NETO1: variants seen among roughly 807,000 people sequenced by gnomAD.
NETO1 encodes neuropilin and tolloid-like protein 1.
A neutral mutation model predicts 61.3 loss-of-function variants in NETO1; 26 were observed. That is an observed-to-expected ratio of 0.42 (90% confidence interval 0.31 to 0.59). The LOEUF (loss-of-function observed/expected upper bound fraction) is 0.59. NETO1 is among the 20% of genes least tolerant of loss of function. NETO1 has a pLI of 0.12. For missense variants in NETO1, 531 were observed against 662.8 expected (o/e 0.80, Z 2.18); for synonymous variants, 225 against 225.8 (o/e 1.00, Z 0.03).
chr18:72,775,631 TATGAGA>T (rs2071521306), intron 7 of NETO1, among the ~76,000 whole-genome samples: 1 of 152,186 alleles, frequency 6.6e-6, no homozygotes, highest in African/African-American at 2.4e-5. Flanking sequence ...AATGCTGACA[TATGAGA>T]ATAACTGTTA....
At chr18:72,840,903 CTGT>C (rs974612820) in intron 4 of NETO1, among the ~76,000 whole-genome samples, 3 of 152,134 alleles carry the variant, frequency 2.0e-5, no homozygotes, top group African/African-American at 7.2e-5. Flanking sequence ...AAATGTAAGG[CTGT>C]TAACTACCAT....
chr18:72,865,284 G>T, intron 1 of NETO1, 43 bp from the exon 2 acceptor site: 1 of 1,419,666 alleles, frequency 7.0e-7, no homozygotes, highest in South Asian at 1.2e-5. Context: ...ACACTGAAAT[G>T]ATCAAATCCC....
At chr18:72,818,483 A>G (rs1419238578) in intron 4 of NETO1, among the ~76,000 whole-genome samples, 1 of 152,226 alleles carries the variant, frequency 6.6e-6, no homozygotes, top group Non-Finnish European at 1.5e-5. Flanking sequence ...ACAGTGGAAA[A>G]GGTGTAGAAG....
chr18:72,860,566 T>C (rs998737821), intron 3 of NETO1, among the ~76,000 whole-genome samples: 3 of 152,190 alleles, frequency 2.0e-5, no homozygotes, highest in African/African-American at 7.2e-5. Context: ...AATTATTTTA[T>C]GAATAATCTT....
intron 4 of NETO1, among the ~76,000 whole-genome samples, chr18:72,796,539 T>G (rs897023561): frequency 3.3e-5 from 5 of 152,202 alleles, no homozygotes; most frequent in African/African-American, 1.2e-4. Flanking sequence ...TGGAGCGCAG[T>G]GATCTCGTCT....
At chr18:72,806,296 T>C (rs1028451411) in intron 4 of NETO1, among the ~76,000 whole-genome samples, 1 of 152,124 alleles carries the variant, frequency 6.6e-6, no homozygotes, top group East Asian at 1.9e-4. Context: ...AATGTTTAGT[T>C]TTCTCATTAA....
intron 3 of NETO1, among the ~76,000 whole-genome samples, chr18:72,862,854 T>G (rs956110883): frequency 1.3e-5 from 2 of 152,040 alleles, no homozygotes; most frequent in South Asian, 2.1e-4. Context: ...TCTCCTGACC[T>G]CGTGATCCGC....
intron 7 of NETO1, among the ~76,000 whole-genome samples, chr18:72,778,546 C>A (rs746603229): frequency 1.3e-5 from 2 of 152,164 alleles, no homozygotes; most frequent in Non-Finnish European, 2.9e-5. Flanking sequence ...ACAAGCAATA[C>A]CTTCCACAAA....
rs368714553 is a variant in NETO1 at position 72,749,107 on chromosome 18, T to G, written c.1542-19A>C. The stretch of plus-strand genomic sequence containing the variant: ...GCAGAACCTGGAATGTTATGGCTAT[T>G]TCATTCAACAAAGTACTATTTGCAC... On this transcript the variant is annotated intron_variant, in intron 9 of 10. Transcript: ENST00000327305. 7 of 1,466,076 alleles carry G rather than the reference T, an allele frequency of 4.8e-6. No individual in the cohort carries two copies. In the African/African-American group the frequency reaches 8.7e-5, roughly 18 times the overall value. The allele number at this position is 1,466,076 out of a possible 1,614,324, so 90.8% of individuals were successfully genotyped here.
intron 4 of NETO1, among the ~76,000 whole-genome samples, chr18:72,798,126 A>T (rs563095333): frequency 6.6e-6 from 1 of 152,358 alleles, no homozygotes; most frequent in South Asian, 2.1e-4. Flanking sequence ...TGTGGGCCAC[A>T]CAGCAGGAGA....
At chr18:72,772,825 CTATATA>C (rs59339805) in intron 7 of NETO1, among the ~76,000 whole-genome samples, 269 of 40,336 alleles carry the variant, frequency 6.7e-3, no homozygotes, top group South Asian at 9.5e-3. Context: ...CTCTCTCTCT[CTATATA>C]TATATATATA....
At chr18:72,802,188 G>A (rs1465957006) in intron 4 of NETO1, among the ~76,000 whole-genome samples, 4 of 150,412 alleles carry the variant, frequency 2.7e-5, no homozygotes, top group African/African-American at 7.3e-5. Flanking sequence ...ATTTTTAAAC[G>A]TAGACATCAT....
At chr18:72,816,492 C>T (rs944001074) in intron 4 of NETO1, among the ~76,000 whole-genome samples, 1 of 152,132 alleles carries the variant, frequency 6.6e-6, no homozygotes, top group African/African-American at 2.4e-5. Flanking sequence ...TGGGAAAGCT[C>T]CTGACCTGCA....
chr18:72,825,144 A>T, intron 4 of NETO1, among the ~76,000 whole-genome samples: 1 of 152,208 alleles, frequency 6.6e-6, no homozygotes. Context: ...GTCCTGAGGA[A>T]GACAAGGAAG....
intron 1 of NETO1, chr18:72,867,019 G>T (rs2074757951): frequency 4.3e-6 from 2 of 461,100 alleles, no homozygotes; most frequent in South Asian, 4.7e-5. Context: ...CCCCCGGGGG[G>T]TTCCTGCGCA....
intron 4 of NETO1, among the ~76,000 whole-genome samples, chr18:72,811,623 G>A (rs914424090): frequency 2.0e-5 from 3 of 152,116 alleles, no homozygotes; most frequent in African/African-American, 7.2e-5. Context: ...AAGCAACACA[G>A]TGAGACCCAC....
At chr18:72,851,048 G>C (rs559881576) in intron 4 of NETO1, among the ~76,000 whole-genome samples, 1 of 152,124 alleles carries the variant, frequency 6.6e-6, no homozygotes, top group Admixed American at 6.5e-5. Context: ...GATGGAGTGG[G>C]AGGTGAGCGA....
intron 4 of NETO1, among the ~76,000 whole-genome samples, chr18:72,844,378 T>C (rs2074022662): frequency 6.6e-6 from 1 of 152,224 alleles, no homozygotes; most frequent in Non-Finnish European, 1.5e-5. Flanking sequence ...ATCCACATTC[T>C]GATACATCGC....
At chr18:72,817,679 C>G (rs1346256330) in intron 4 of NETO1, among the ~76,000 whole-genome samples, 1 of 152,228 alleles carries the variant, frequency 6.6e-6, no homozygotes, top group Non-Finnish European at 1.5e-5. Context: ...CCTAGTGACT[C>G]ATTTCTAACA....
Sources: allele counts gnomAD v4.1 joint callset (sites outside exome capture counted in the v4.1 genomes callset), GRCh38; gene constraint gnomAD v4.1.1; transcripts MANE v1.5; gene names NCBI Gene and HGNC (gene_info 2026-07-23, HGNC 2026-07-21).